Variants in MAN2A1 observed in about 807,000 individuals in gnomAD.
MAN2A1 encodes alpha-mannosidase 2.
In MAN2A1, 76 loss-of-function variants were observed where a neutral mutation model predicts 142.6. The observed-to-expected ratio is 0.53, with a 90% CI of 0.44 to 0.65. The LOEUF (loss-of-function observed/expected upper bound fraction) is 0.65. Among genes scored for constraint, MAN2A1 ranks in the 30% least tolerant of loss-of-function variants. The pLI is 0.00. For missense variants in MAN2A1, 1,311 were observed against 1,365.1 expected, an observed-to-expected ratio of 0.96 and a Z score of 0.62; for synonymous variants, 559 against 473.2, an observed-to-expected ratio of 1.18 and a Z score of -2.35.
intron 1 of MAN2A1, among the ~76,000 whole-genome samples, chr5:109,697,416 G>T (rs1287606999): frequency 6.6e-6 from 1 of 152,138 alleles, no homozygotes; most frequent in Non-Finnish European, 1.5e-5. Context: ...GAGGTGGGAG[G>T]TTAGGGAAAG....
chr5:109,815,586 A>G (rs188853654), intron 12 of MAN2A1, among the ~76,000 whole-genome samples: 148 of 152,350 alleles, frequency 9.7e-4, no homozygotes, highest in Middle Eastern at 3.4e-3. Flanking sequence ...TTTAACATAA[A>G]TGCTTCTGAT....
Position 109,690,304 on chromosome 5 carries a change from C to T in MAN2A1, c.-114C>T, listed in dbSNP as rs1750626797. On this transcript the variant is annotated 5_prime_UTR_variant, in exon 1 of 22. Transcript: ENST00000261483. ...GGACTCGCACCCGCATCCGAGAGCGCGGAGGTCGCGCAGCCCGGGAGAAGG... is the reference window on the plus strand; with the variant it reads ...GGACTCGCACCCGCATCCGAGAGCGTGGAGGTCGCGCAGCCCGGGAGAAGG... 7 of 1,116,830 alleles carry T rather than the reference C, an allele frequency of 6.3e-6. No individual in the cohort carries two copies. The East Asian group carries it at 1.7e-4, about 27-fold the overall frequency. The allele number at this position is 1,116,830 out of a possible 1,614,324, so 69.2% of individuals were successfully genotyped here. A position where few individuals can be genotyped will look rare whatever the true frequency, so the allele number is the denominator to read the frequency against.
intron 19 of MAN2A1, among the ~76,000 whole-genome samples, chr5:109,850,708 T>G (rs1755461633): frequency 6.6e-6 from 1 of 152,220 alleles, no homozygotes; most frequent in Admixed American, 6.5e-5. Flanking sequence ...AATAAAAATT[T>G]TCACATCAAA....
chr5:109,868,354 AT>A lies in MAN2A1; in HGVS notation c.*1359del, dbSNP rs1237370582. 1.3e-5 allele frequency: 2 copies of A among 152,198 alleles called. No individual in the cohort carries two copies. The highest frequency in any genetic ancestry group is 2.9e-5 in the Non-Finnish European group (2 of 68,022). The allele number at this position is 152,198 out of a possible 1,614,324, so 9.4% of individuals were successfully genotyped here. Reference sequence around the variant, plus strand: ...CATTACAGTGCTTTTAATAAAATTTATTTGGGATTATTGTTTCCTTAACATT... The same window carrying A: ...CATTACAGTGCTTTTAATAAAATTTATTGGGATTATTGTTTCCTTAACATT... On this transcript the variant is annotated 3_prime_UTR_variant, in exon 22 of 22. Coordinates refer to ENST00000261483, the MANE Select transcript of MAN2A1 (RefSeq NM_002372.4).
chr5:109,729,865 G>A (rs1201901736), intron 4 of MAN2A1, among the ~76,000 whole-genome samples: 11 of 151,990 alleles, frequency 7.2e-5, no homozygotes, highest in Non-Finnish European at 1.5e-4. Flanking sequence ...TGGTGCTCAC[G>A]CCTGTAATTC....
intron 12 of MAN2A1, among the ~76,000 whole-genome samples, chr5:109,794,523 G>C (rs1465215224): frequency 1.3e-5 from 2 of 152,094 alleles, no homozygotes; most frequent in Non-Finnish European, 1.5e-5. Context: ...AGAATTCAAG[G>C]CAATAATAGA....
chr5:109,788,520 C>A (rs2112677277), intron 10 of MAN2A1, among the ~76,000 whole-genome samples: 1 of 151,902 alleles, frequency 6.6e-6, no homozygotes, highest in Middle Eastern at 3.4e-3. Context: ...ATTGAATTTT[C>A]TTGTGAGCTG....
chr5:109,825,762 C>A (rs1754738888), intron 16 of MAN2A1, among the ~76,000 whole-genome samples: 1 of 152,088 alleles, frequency 6.6e-6, no homozygotes, highest in Admixed American at 6.6e-5. Context: ...TAGTGTTAAG[C>A]AGGAGCCCGG....
intron 4 of MAN2A1, among the ~76,000 whole-genome samples, chr5:109,754,927 G>GGAGGCGGAGGTTGCAGT (rs376618275): frequency 0.051 from 7,712 of 152,284 alleles, 209 homozygotes; most frequent in South Asian, 0.098. Flanking sequence ...CTTGAACCTG[G>GGAGGCGGAGGTTGCAGT]GAGGCGGAGG....
chr5:109,769,211 G>T (rs1444377049), intron 6 of MAN2A1, among the ~76,000 whole-genome samples: 2 of 152,154 alleles, frequency 1.3e-5, no homozygotes, highest in African/African-American at 4.8e-5. Context: ...ATATGATTCA[G>T]TGAAACAGCT....
intron 5 of MAN2A1, among the ~76,000 whole-genome samples, chr5:109,761,939 A>G (rs1752854679): frequency 6.6e-6 from 1 of 152,114 alleles, no homozygotes; most frequent in Non-Finnish European, 1.5e-5. Context: ...AATTGTATAT[A>G]GTATTCTTTG....
chr5:109,705,496 C>A (rs535021205), intron 1 of MAN2A1, among the ~76,000 whole-genome samples: 1 of 152,282 alleles, frequency 6.6e-6, no homozygotes, highest in East Asian at 1.9e-4. Flanking sequence ...GGGCTCACAG[C>A]TCCTTAGGGT....
At chr5:109,838,347 A>G (rs1428729910) in intron 16 of MAN2A1, among the ~76,000 whole-genome samples, 1 of 152,214 alleles carries the variant, frequency 6.6e-6, no homozygotes, top group Non-Finnish European at 1.5e-5. Context: ...CTAATCTTGT[A>G]AAGTGTTAAA....
chr5:109,762,627 G>A (rs539134120), intron 5 of MAN2A1, among the ~76,000 whole-genome samples: 4 of 152,160 alleles, frequency 2.6e-5, no homozygotes, highest in Non-Finnish European at 4.4e-5. Context: ...GTCTGAGAAT[G>A]TATGTTCCTC....
intron 1 of MAN2A1, among the ~76,000 whole-genome samples, chr5:109,704,404 A>T (rs1751072340): frequency 1.3e-5 from 2 of 152,206 alleles, no homozygotes; most frequent in Non-Finnish European, 2.9e-5. Context: ...GTGGCTGCAC[A>T]AAGACAAATT....
chr5:109,760,283 G>C (rs1200045743), intron 5 of MAN2A1, among the ~76,000 whole-genome samples: 2 of 152,100 alleles, frequency 1.3e-5, no homozygotes, highest in Non-Finnish European at 2.9e-5. Context: ...ATGGTTTCCA[G>C]CTTCATTCAT....
chr5:109,840,241 T>G, intron 16 of MAN2A1: 1 of 270,138 alleles, frequency 3.7e-6, no homozygotes, highest in Non-Finnish European at 7.2e-6. Context: ...GTCCTTGCAG[T>G]CCTTCAAGCA....
At chr5:109,860,869 C>G (rs1755738056) in intron 20 of MAN2A1, among the ~76,000 whole-genome samples, 1 of 152,188 alleles carries the variant, frequency 6.6e-6, no homozygotes, top group Non-Finnish European at 1.5e-5. Context: ...AGTTTTATCT[C>G]TGCTGGAACC....
chr5:109,827,601 G>T (rs576151275), intron 16 of MAN2A1, among the ~76,000 whole-genome samples: 3 of 152,262 alleles, frequency 2.0e-5, no homozygotes, highest in African/African-American at 7.2e-5. Context: ...TTCTCTATCT[G>T]CATTCTCTCC....
Sources: gnomAD v4.1 joint callset for allele counts (sites outside exome capture counted in the v4.1 genomes callset) on GRCh38, gnomAD v4.1.1 for gene constraint, MANE v1.5 for transcripts, NCBI Gene and HGNC (gene_info 2026-07-23, HGNC 2026-07-21) for gene names.